DGKB: variants seen among roughly 807,000 people sequenced by gnomAD.
DGKB encodes diacylglycerol kinase beta.
In DGKB, 67 loss-of-function variants were observed where a neutral mutation model predicts 114.3. The observed-to-expected ratio is 0.59, with a 90% CI of 0.48 to 0.72. The LOEUF is 0.72. Among genes scored for constraint, DGKB ranks in the 30% least tolerant of loss-of-function variants. The probability of loss-of-function intolerance (pLI) is 0.00; values close to 1 mark genes in which losing one functional copy is unlikely to be tolerated. For synonymous variants in DGKB, 398 were observed against 323.1 expected (o/e 1.23, Z -2.49); for missense variants, 907 against 975.2 (o/e 0.93, Z 0.93).
At chr7:14,319,560 G>T (rs1330503356) in intron 23 of DGKB, among the ~76,000 whole-genome samples, 4 of 152,194 alleles carry the variant, frequency 2.6e-5, no homozygotes, top group Non-Finnish European at 5.9e-5. Context: ...ATAAGCAAAA[G>T]TTCTTTAGGA....
intron 5 of DGKB, among the ~76,000 whole-genome samples, chr7:14,726,518 A>G (rs1830060586): frequency 6.6e-6 from 1 of 152,144 alleles, no homozygotes; most frequent in Admixed American, 6.5e-5. Context: ...CTGCCTCTCA[A>G]TAAAAGACCT....
chr7:14,376,582 C>T (rs1048237552), intron 21 of DGKB, among the ~76,000 whole-genome samples: 5 of 152,100 alleles, frequency 3.3e-5, no homozygotes, highest in Non-Finnish European at 7.4e-5. Flanking sequence ...TACTTTATAG[C>T]AGAGATGACA....
At chr7:14,201,827 TTTG>T (rs973625212) in intron 23 of DGKB, among the ~76,000 whole-genome samples, 7 of 151,036 alleles carry the variant, frequency 4.6e-5, no homozygotes, top group African/African-American at 1.7e-4. Context: ...TGCTTTGGAG[TTTG>T]TTGTTTTGTT....
chr7:14,672,864 T>C, intron 13 of DGKB, 65 bp downstream of exon 13: 11 of 888,970 alleles, frequency 1.2e-5, no homozygotes, highest in Non-Finnish European at 1.7e-5. Context: ...AAGCTTTTAA[T>C]GGTATACGAT....
chr7:14,691,411 A>G (rs576270850), intron 9 of DGKB, among the ~76,000 whole-genome samples: 15 of 152,358 alleles, frequency 9.8e-5, no homozygotes, highest in Non-Finnish European at 2.2e-4. Flanking sequence ...CAATTAAATA[A>G]GCAAAGGTGA....
chr7:14,902,282 G>C (rs1436440468), intron 1 of DGKB, among the ~76,000 whole-genome samples: 1 of 152,114 alleles, frequency 6.6e-6, no homozygotes, highest in Non-Finnish European at 1.5e-5. Flanking sequence ...TATCTCATTG[G>C]TAACTTTCAG....
intron 1 of DGKB, among the ~76,000 whole-genome samples, chr7:14,970,295 A>G: frequency 6.6e-6 from 1 of 152,178 alleles, no homozygotes; most frequent in East Asian, 1.9e-4. Flanking sequence ...TGAACAACAT[A>G]GAGTTTCTTT....
intron 1 of DGKB, among the ~76,000 whole-genome samples, chr7:14,946,447 T>C (rs993864633): frequency 1.3e-5 from 2 of 151,750 alleles, no homozygotes; most frequent in Non-Finnish European, 3.0e-5. Flanking sequence ...CACTATTTTA[T>C]TCAAACTGAA....
chr7:14,359,697 G>T (rs1181531808), intron 21 of DGKB, among the ~76,000 whole-genome samples: 1 of 152,158 alleles, frequency 6.6e-6, no homozygotes. Flanking sequence ...CATTTATACA[G>T]CCAACAGACA....
chr7:14,236,351 A>AC (rs1554298719), intron 23 of DGKB, among the ~76,000 whole-genome samples: 2 of 151,144 alleles, frequency 1.3e-5, no homozygotes, highest in South Asian at 2.1e-4. Flanking sequence ...TAATAAAAAA[A>AC]AAGCTATTAT....
At position 14,543,851 on chromosome 7, in the gene DGKB, A is replaced by G. The variant is rs190213868; in HGVS notation, c.1770+30361T>C. 1.8e-3 allele frequency among the ~76,000 whole-genome samples: 270 copies of G among 152,302 alleles called. 5 individuals are homozygous for G. Among genetic ancestry groups the G allele is most frequent in the African/African-American group, 6.3e-3 (264 of 41,588 alleles). On this transcript the variant is annotated intron_variant, in intron 20 of 25. Transcript: ENST00000402815. ...TCTTTTCCAGACACCTGCATACACCACAGGGATTTCAAAAGGAGCAGAATG... is the reference window on the plus strand; with the variant it reads ...TCTTTTCCAGACACCTGCATACACCGCAGGGATTTCAAAAGGAGCAGAATG...
intron 20 of DGKB, among the ~76,000 whole-genome samples, chr7:14,530,487 T>C (rs1440854171): frequency 1.3e-5 from 2 of 151,712 alleles, no homozygotes; most frequent in South Asian, 2.1e-4. Flanking sequence ...TCTTAACTTA[T>C]ATAACCTTCA....
intron 13 of DGKB, among the ~76,000 whole-genome samples, chr7:14,657,682 G>A (rs1391307330): frequency 2.6e-5 from 4 of 151,756 alleles, no homozygotes; most frequent in East Asian, 3.9e-4. Flanking sequence ...CACATCCTTA[G>A]TTAGTTATAT....
At chr7:14,229,783 T>A (rs75878930) in intron 23 of DGKB, among the ~76,000 whole-genome samples, 4,617 of 151,934 alleles carry the variant, frequency 0.03, 89 homozygotes, top group Non-Finnish European at 0.051. Context: ...AATAAAATAT[T>A]TTGTTAAGTG....
chr7:14,835,782 G>C (rs983001626), intron 2 of DGKB, among the ~76,000 whole-genome samples: 1 of 152,088 alleles, frequency 6.6e-6, no homozygotes, highest in Non-Finnish European at 1.5e-5. Flanking sequence ...CTAAGAACCT[G>C]TTTATTAACA....
intron 9 of DGKB, 145 bp downstream of exon 9, chr7:14,693,930 G>C: frequency 2.5e-6 from 2 of 801,876 alleles, no homozygotes; most frequent in Non-Finnish European, 3.8e-6. Flanking sequence ...CTGTCAAATT[G>C]CACCGTGGCA....
At chr7:14,491,014 T>A (rs1289577993) in intron 20 of DGKB, among the ~76,000 whole-genome samples, 1 of 151,994 alleles carries the variant, frequency 6.6e-6, no homozygotes, top group Admixed American at 6.6e-5. Flanking sequence ...AGAATAGATC[T>A]GAGTTTAAGG....
intron 23 of DGKB, among the ~76,000 whole-genome samples, chr7:14,275,794 A>C (rs763286972): frequency 3.3e-5 from 5 of 152,230 alleles, no homozygotes; most frequent in African/African-American, 1.2e-4. Flanking sequence ...CATCTCTAAA[A>C]CTAATTCATA....
At chr7:14,673,875 A>G (rs538503746) in intron 12 of DGKB, among the ~76,000 whole-genome samples, 3 of 152,240 alleles carry the variant, frequency 2.0e-5, no homozygotes, top group South Asian at 2.1e-4. Context: ...CATACTTTAG[A>G]AAAAAATATA....
Sources: allele counts gnomAD v4.1 joint callset (sites outside exome capture counted in the v4.1 genomes callset), GRCh38; gene constraint gnomAD v4.1.1; transcripts MANE v1.5; gene names NCBI Gene and HGNC (gene_info 2026-07-23, HGNC 2026-07-21).